Variants in SOX5 observed in about 807,000 individuals in gnomAD.
The protein encoded by SOX5 is transcription factor SOX-5.
A neutral mutation model predicts 92.0 loss-of-function variants in SOX5; 9 were observed. The ratio of observed to expected loss-of-function variants is 0.10; its 90% CI spans 0.06 to 0.17. The LOEUF (loss-of-function observed/expected upper bound fraction) is 0.17, where lower values mean the gene tolerates loss of function less well. Ranked by LOEUF, SOX5 falls within the 10% of genes least tolerant of loss-of-function variation. The probability of loss-of-function intolerance (pLI) is 1.00; values close to 1 mark genes in which losing one functional copy is unlikely to be tolerated. For synonymous variants in SOX5, 344 were observed against 336.3 expected (o/e 1.02, Z -0.25); for missense variants, 642 against 944.5 (o/e 0.68, Z 4.20).
intron 1 of SOX5, among the ~76,000 whole-genome samples, chr12:24,507,459 A>G (rs1948905166): frequency 6.6e-6 from 1 of 152,010 alleles, no homozygotes; most frequent in Non-Finnish European, 1.5e-5. Flanking sequence ...ATGACAACTG[A>G]CCTACTTTCT....
intron 1 of SOX5, among the ~76,000 whole-genome samples, chr12:24,528,167 A>G (rs533953141): frequency 4.6e-5 from 7 of 152,364 alleles, no homozygotes; most frequent in African/African-American, 1.7e-4. Context: ...TTGAGGGGAC[A>G]TCGCATAGTC....
chr12:23,923,681 G>T (rs991602263), intron 1 of SOX5, among the ~76,000 whole-genome samples: 4 of 152,034 alleles, frequency 2.6e-5, no homozygotes, highest in African/African-American at 9.7e-5. Flanking sequence ...AGCCAATTTT[G>T]GGGTTTAGGG....
At chr12:24,243,742 T>C (rs1160754435) in intron 3 of SOX5, among the ~76,000 whole-genome samples, 1 of 152,122 alleles carries the variant, frequency 6.6e-6, no homozygotes, top group Non-Finnish European at 1.5e-5. Context: ...TTTATATGTA[T>C]TTATTATTAT....
intron 2 of SOX5, among the ~76,000 whole-genome samples, chr12:24,338,818 TGCTCCTCCTTC>T (rs1329345362): frequency 6.6e-6 from 1 of 152,176 alleles, no homozygotes; most frequent in Non-Finnish European, 1.5e-5. Context: ...GATGTGGCTT[TGCTCCTCCTTC>T]GCCTTCCATC....
intron 7 of SOX5, among the ~76,000 whole-genome samples, chr12:23,664,671 C>A (rs1014808670): frequency 2.6e-5 from 4 of 152,098 alleles, no homozygotes; most frequent in Non-Finnish European, 5.9e-5. Context: ...TCACAGGCAT[C>A]TAAAGTTAAT....
chr12:23,809,246 T>C (rs1228142200), intron 3 of SOX5, among the ~76,000 whole-genome samples: 1 of 152,042 alleles, frequency 6.6e-6, no homozygotes, highest in African/African-American at 2.4e-5. Context: ...GGCTGGTGGG[T>C]AGGGAGAGGC....
chr12:24,142,063 A>G (rs1438158710), intron 4 of SOX5, among the ~76,000 whole-genome samples: 2 of 152,110 alleles, frequency 1.3e-5, no homozygotes, highest in African/African-American at 4.8e-5. Context: ...TTTAAATGGA[A>G]TTTTGGAAAA....
intron 2 of SOX5, among the ~76,000 whole-genome samples, chr12:23,872,490 A>G (rs1169352046): frequency 6.6e-6 from 1 of 152,170 alleles, no homozygotes; most frequent in Non-Finnish European, 1.5e-5. Context: ...CTGAAAATGT[A>G]GTCCCTCTTA....
At chr12:23,990,046 A>G (rs774566258) in intron 4 of SOX5, among the ~76,000 whole-genome samples, 1 of 152,098 alleles carries the variant, frequency 6.6e-6, no homozygotes, top group Non-Finnish European at 1.5e-5. Context: ...CTAAATAAGA[A>G]GAAGAAAAGA....
intron 4 of SOX5, among the ~76,000 whole-genome samples, chr12:24,037,981 A>C (rs1266747117): frequency 6.6e-6 from 1 of 152,180 alleles, no homozygotes; most frequent in African/African-American, 2.4e-5. Flanking sequence ...ATGCATGTAA[A>C]TATTTTTAGG....
intron 8 of SOX5, among the ~76,000 whole-genome samples, chr12:23,626,076 G>T (rs2077743045): frequency 6.6e-6 from 1 of 151,822 alleles, no homozygotes; most frequent in Non-Finnish European, 1.5e-5. Context: ...GTTAAAAATA[G>T]AGGAAAAAAT....
intron 13 of SOX5, among the ~76,000 whole-genome samples, chr12:23,538,794 A>ATTTT (rs545684613): frequency 6.7e-5 from 7 of 104,866 alleles, no homozygotes; most frequent in East Asian, 3.5e-4. Flanking sequence ...CGAAACCAGC[A>ATTTT]TTTTCTTTTT....
At chr12:24,244,966 T>G (rs1172829045) in intron 3 of SOX5, among the ~76,000 whole-genome samples, 1 of 152,162 alleles carries the variant, frequency 6.6e-6, no homozygotes, top group African/African-American at 2.4e-5. Flanking sequence ...ATTACAGGCG[T>G]GAGTCACTGC....
chr12:23,893,876 C>T (rs540683552), intron 2 of SOX5, among the ~76,000 whole-genome samples: 2 of 152,216 alleles, frequency 1.3e-5, no homozygotes, highest in South Asian at 2.1e-4. Context: ...CGTAAGCTCA[C>T]AGTAAAAAGG....
At chr12:24,221,879 A>G (rs965852888) in intron 3 of SOX5, among the ~76,000 whole-genome samples, 1 of 152,178 alleles carries the variant, frequency 6.6e-6, no homozygotes, top group Non-Finnish European at 1.5e-5. Flanking sequence ...TTTCATACAG[A>G]GTAAATAGCA....
rs7973477 is a variant in SOX5, at chr12:24,023,670, A to G, written c.-1-127646T>C. On this transcript the variant is annotated intron_variant, in intron 4 of 4. Coordinates refer to the SOX5 transcript ENST00000446891. ...ATCTATGCATTTATTTTTAGAGTTGACATGGAGGAATGATAAAAGTGATTC... is the reference window on the plus strand; with the variant it reads ...ATCTATGCATTTATTTTTAGAGTTGGCATGGAGGAATGATAAAAGTGATTC... Among the ~76,000 whole-genome samples the G allele has an allele frequency of 2.8e-3, 431 of 152,208 alleles. 4 individuals carry two copies. The highest frequency in any genetic ancestry group is 0.01 in the African/African-American group (420 of 41,556).
intron 1 of SOX5, among the ~76,000 whole-genome samples, chr12:24,434,423 C>G (rs564518600): frequency 1.5e-4 from 23 of 152,264 alleles, no homozygotes; most frequent in African/African-American, 5.5e-4. Context: ...AAAAGCTCAG[C>G]TATTACTACC....
At chr12:24,460,537 G>A in intron 1 of SOX5, 1 of 152,198 alleles carries the variant, frequency 6.6e-6, no homozygotes, top group Non-Finnish European at 1.5e-5. Flanking sequence ...GACAGACCCA[G>A]TTAAGTGGAT....
At chr12:24,303,563 A>C (rs929452505) in intron 2 of SOX5, among the ~76,000 whole-genome samples, 1 of 152,232 alleles carries the variant, frequency 6.6e-6, no homozygotes. Flanking sequence ...AAGAAGCTTA[A>C]TTGAGTTATA....
Sources: gnomAD v4.1 joint callset for allele counts (sites outside exome capture counted in the v4.1 genomes callset) on GRCh38, gnomAD v4.1.1 for gene constraint, MANE v1.5 for transcripts, NCBI Gene and HGNC (gene_info 2026-07-23, HGNC 2026-07-21) for gene names.